Variants in NCAM2 observed in about 807,000 individuals in gnomAD.
NCAM2 encodes N-CAM-2.
A neutral mutation model predicts 98.1 loss-of-function variants in NCAM2; 30 were observed. That is an observed-to-expected ratio of 0.31 (90% CI 0.23 to 0.41). NCAM2 has a LOEUF of 0.41. Ranked by LOEUF, NCAM2 falls within the 10% of genes least tolerant of loss-of-function variation. The pLI is 1.00. For synonymous variants in NCAM2, 368 were observed against 342.4 expected (o/e 1.07, Z -0.83); for missense variants, 867 against 1,005.8 (o/e 0.86, Z 1.87).
intron 15 of NCAM2, among the ~76,000 whole-genome samples, chr21:21,481,258 T>C (rs370095404): frequency 9.1e-5 from 13 of 143,300 alleles, no homozygotes; most frequent in African/African-American, 3.0e-4. Flanking sequence ...CAAGGAACTA[T>C]CATATTATAC....
chr21:21,161,049 T>C (rs1289698766), intron 1 of NCAM2, among the ~76,000 whole-genome samples: 1 of 152,046 alleles, frequency 6.6e-6, no homozygotes, highest in East Asian at 1.9e-4. Context: ...ACTATTAATG[T>C]ATGTTTAGGT....
chr21:21,095,657 T>C (rs1875045824), intron 1 of NCAM2, among the ~76,000 whole-genome samples: 1 of 151,582 alleles, frequency 6.6e-6, no homozygotes, highest in Non-Finnish European at 1.5e-5. Context: ...ATAAAGATAT[T>C]GAATACCTCA....
At position 21,485,471 on chromosome 21, in the gene NCAM2, T is replaced by G. The variant is rs559133733; in HGVS notation, c.2077+8000T>G. ...TCCTTTAAAGAAGTTGAAATCAAGATGGGAAGAAATTGAGATTGGAACTAG... is the reference window on the plus strand; with the variant it reads ...TCCTTTAAAGAAGTTGAAATCAAGAGGGGAAGAAATTGAGATTGGAACTAG... On this transcript the variant is annotated intron_variant, in intron 15 of 17. Coordinates refer to ENST00000400546, the MANE Select transcript of NCAM2 (RefSeq NM_004540.5). Among the ~76,000 whole-genome samples, 11 of 152,208 alleles carry G rather than the reference T, an allele frequency of 7.2e-5. No homozygotes were observed. In the South Asian group the frequency reaches 1.9e-3, roughly 26 times the overall value.
intron 1 of NCAM2, among the ~76,000 whole-genome samples, chr21:21,162,767 C>T (rs996837876): frequency 6.6e-6 from 1 of 152,070 alleles, no homozygotes; most frequent in Non-Finnish European, 1.5e-5. Context: ...TAAAAAAAAC[C>T]TGTCAGATTA....
chr21:21,080,224 G>A (rs1019311232), intron 1 of NCAM2, among the ~76,000 whole-genome samples: 3 of 152,102 alleles, frequency 2.0e-5, no homozygotes, highest in African/African-American at 7.2e-5. Flanking sequence ...AACTTGTGCA[G>A]TATTTTTGTG....
intron 1 of NCAM2, among the ~76,000 whole-genome samples, chr21:21,085,884 A>G (rs771266235): frequency 2.0e-5 from 3 of 152,202 alleles, no homozygotes; most frequent in Non-Finnish European, 4.4e-5. Context: ...ATGATTTTTA[A>G]GTGTGTATGA....
chr21:21,519,860 T>C (rs1602548081), intron 16 of NCAM2, among the ~76,000 whole-genome samples: 1 of 152,240 alleles, frequency 6.6e-6, no homozygotes, highest in East Asian at 1.9e-4. Context: ...ACTAGCTCTT[T>C]CATGTTTTCA....
intron 1 of NCAM2, among the ~76,000 whole-genome samples, chr21:21,274,253 T>A (rs1211788069): frequency 1.3e-5 from 2 of 152,010 alleles, no homozygotes; most frequent in African/African-American, 4.8e-5. Context: ...TAATTTAGGA[T>A]GAGAAGATCA....
At chr21:21,509,446 C>G (rs1324475683) in intron 16 of NCAM2, among the ~76,000 whole-genome samples, 1 of 152,018 alleles carries the variant, frequency 6.6e-6, no homozygotes, top group Non-Finnish European at 1.5e-5. Context: ...CTCAGTTGAA[C>G]TGAGTTAAAA....
At chr21:21,016,883 A>G (rs1462647516) in intron 1 of NCAM2, among the ~76,000 whole-genome samples, 1 of 152,144 alleles carries the variant, frequency 6.6e-6, no homozygotes, top group East Asian at 1.9e-4. Context: ...GCCTCCCACT[A>G]CACAGTGCTT....
intron 1 of NCAM2, among the ~76,000 whole-genome samples, chr21:21,081,889 A>G (rs935846614): frequency 6.6e-6 from 1 of 152,116 alleles, no homozygotes; most frequent in Admixed American, 6.5e-5. Flanking sequence ...TATTGATTGC[A>G]ATAAGTATAG....
At chr21:21,136,831 A>G (rs1005501970) in intron 1 of NCAM2, among the ~76,000 whole-genome samples, 4 of 151,990 alleles carry the variant, frequency 2.6e-5, no homozygotes, top group Non-Finnish European at 5.9e-5. Flanking sequence ...TGCAGACACC[A>G]TGCAAAGCAA....
intron 1 of NCAM2, among the ~76,000 whole-genome samples, chr21:21,071,666 C>G (rs904297465): frequency 6.6e-6 from 1 of 151,960 alleles, no homozygotes; most frequent in Non-Finnish European, 1.5e-5. Flanking sequence ...ATAATATTAA[C>G]TTGGTTTTAA....
intron 15 of NCAM2, among the ~76,000 whole-genome samples, chr21:21,504,963 T>A (rs992410171): frequency 2.0e-5 from 3 of 151,912 alleles, no homozygotes; most frequent in African/African-American, 7.2e-5. Flanking sequence ...TAGTTATTTT[T>A]AAATGTATAA....
intron 1 of NCAM2, among the ~76,000 whole-genome samples, chr21:21,085,705 A>G (rs1250830861): frequency 6.6e-6 from 1 of 152,176 alleles, no homozygotes; most frequent in African/African-American, 2.4e-5. Flanking sequence ...GACTCTTCCA[A>G]CAATGAGTAA....
intron 1 of NCAM2, among the ~76,000 whole-genome samples, chr21:21,069,974 C>T (rs2065525012): frequency 6.6e-6 from 1 of 152,114 alleles, no homozygotes; most frequent in Non-Finnish European, 1.5e-5. Context: ...ATTACCTTCA[C>T]ATGCACTGTG....
intron 1 of NCAM2, among the ~76,000 whole-genome samples, chr21:21,029,239 A>G (rs1175283855): frequency 2.6e-5 from 4 of 152,200 alleles, no homozygotes; most frequent in Non-Finnish European, 1.5e-5. Context: ...AATTTCAATT[A>G]TCTTATTTTT....
At chr21:21,490,684 T>C (rs189932645) in intron 15 of NCAM2, among the ~76,000 whole-genome samples, 16 of 152,018 alleles carry the variant, frequency 1.1e-4, no homozygotes, top group African/African-American at 3.8e-4. Context: ...ACACAATTCA[T>C]GTACCCCTTT....
chr21:21,447,039 A>G (rs1347692439), intron 12 of NCAM2, among the ~76,000 whole-genome samples: 1 of 152,102 alleles, frequency 6.6e-6, no homozygotes, highest in Non-Finnish European at 1.5e-5. Flanking sequence ...TTCACAGATT[A>G]GAAAAAAACT....
Sources: allele counts gnomAD v4.1 joint callset (sites outside exome capture counted in the v4.1 genomes callset), GRCh38; gene constraint gnomAD v4.1.1; transcripts MANE v1.5; gene names NCBI Gene and HGNC (gene_info 2026-07-23, HGNC 2026-07-21).